Variants in ARMH4 observed in about 807,000 individuals in gnomAD.
ARMH4 encodes the protein armadillo-like helical domain-containing protein 4.
In ARMH4, 49 loss-of-function variants were observed where a neutral mutation model predicts 61.9. The observed-to-expected ratio is 0.79, with a 90% confidence interval of 0.63 to 1.00. ARMH4 has a LOEUF of 1.00. Among genes scored for constraint, ARMH4 ranks in the 50% least tolerant of loss-of-function variants. The pLI is 0.00. For missense variants in ARMH4, 934 were observed against 930.0 expected, an observed-to-expected ratio of 1.00 and a Z score of -0.06; for synonymous variants, 368 against 341.5, an observed-to-expected ratio of 1.08 and a Z score of -0.85.
intron 1 of ARMH4, among the ~76,000 whole-genome samples, chr14:58,140,882 G>A (rs1375703208): frequency 1.3e-5 from 2 of 152,002 alleles, no homozygotes; most frequent in Non-Finnish European, 2.9e-5. Flanking sequence ...CAGCCTGGGC[G>A]ACAAGAGTGA....
chr14:58,125,673 T>C lies in ARMH4; in HGVS notation c.1831+5839A>G, dbSNP rs561046268. 1.4e-4 allele frequency among the ~76,000 whole-genome samples: 21 copies of C among 152,336 alleles called. No homozygotes were observed. The East Asian group carries it at 3.9e-3, about 28-fold the overall frequency. The stretch of plus-strand genomic sequence containing the variant: ...TGGACTGGCCTGCTAGCCAATGCTC[T>C]GATGTTAATGACATCAAAGGCACTC... On this transcript the variant is annotated intron_variant, in intron 4 of 7. Coordinates refer to ENST00000267485, the MANE Select transcript of ARMH4 (RefSeq NM_001001872.4).
At chr14:58,149,006 CTT>C (rs2140006285) in intron 1 of ARMH4, among the ~76,000 whole-genome samples, 2 of 152,236 alleles carry the variant, frequency 1.3e-5, no homozygotes, top group Non-Finnish European at 2.9e-5. Flanking sequence ...TCTTAATAAT[CTT>C]TGTGTCTTAA....
chr14:58,067,078 G>A (rs1884728698), intron 5 of ARMH4, among the ~76,000 whole-genome samples: 1 of 152,190 alleles, frequency 6.6e-6, no homozygotes, highest in African/African-American at 2.4e-5. Flanking sequence ...GGAATTGTTG[G>A]TGAGTTTTCC....
At chr14:58,105,614 G>C (rs573277779) in intron 4 of ARMH4, among the ~76,000 whole-genome samples, 1 of 151,844 alleles carries the variant, frequency 6.6e-6, no homozygotes, top group Non-Finnish European at 1.5e-5. Context: ...TTGAACCCAG[G>C]GGGCAGAGGT....
intron 5 of ARMH4, among the ~76,000 whole-genome samples, chr14:58,052,672 C>T (rs2141202371): frequency 6.6e-6 from 1 of 152,184 alleles, no homozygotes; most frequent in East Asian, 1.9e-4. Context: ...CCTCAGGGTC[C>T]AGTTCCAAGC....
intron 5 of ARMH4, among the ~76,000 whole-genome samples, chr14:58,092,231 C>T (rs1340167761): frequency 3.3e-5 from 5 of 152,030 alleles, no homozygotes; most frequent in Admixed American, 3.3e-4. Context: ...ATAAAACAAC[C>T]CCATTTAAAA....
At chr14:58,049,072 T>C (rs554981088) in intron 5 of ARMH4, among the ~76,000 whole-genome samples, 181 of 151,520 alleles carry the variant, frequency 1.2e-3, no homozygotes, top group Middle Eastern at 6.8e-3. Flanking sequence ...CCCATCTCTA[T>C]TAAAAACACA....
At chr14:58,115,581 TA>T (rs949652973) in intron 4 of ARMH4, among the ~76,000 whole-genome samples, 2 of 151,774 alleles carry the variant, frequency 1.3e-5, no homozygotes, top group African/African-American at 4.8e-5. Flanking sequence ...GGTATACACC[TA>T]AAAAAAACAA....
At chr14:58,024,690 T>C (rs1882960705) in intron 5 of ARMH4, among the ~76,000 whole-genome samples, 1 of 152,202 alleles carries the variant, frequency 6.6e-6, no homozygotes, top group South Asian at 2.1e-4. Flanking sequence ...TTAACATTTA[T>C]AGCCTTTGAT....
chr14:58,108,220 TCA>T (rs1222295976), intron 4 of ARMH4, among the ~76,000 whole-genome samples: 3 of 152,182 alleles, frequency 2.0e-5, no homozygotes, highest in Admixed American at 1.3e-4. Flanking sequence ...ATCCAGCAAC[TCA>T]CAGTTAAGCT....
At chr14:58,051,322 C>A (rs568440603) in intron 5 of ARMH4, among the ~76,000 whole-genome samples, 2 of 152,166 alleles carry the variant, frequency 1.3e-5, no homozygotes, top group East Asian at 3.9e-4. Context: ...TAAATAGATT[C>A]ATCTTTTCTC....
intron 5 of ARMH4, among the ~76,000 whole-genome samples, chr14:58,077,474 G>T (rs1189469772): frequency 6.6e-6 from 1 of 152,090 alleles, no homozygotes; most frequent in Non-Finnish European, 1.5e-5. Context: ...AGGAAGCGTG[G>T]TGCACACCTG....
intron 6 of ARMH4, among the ~76,000 whole-genome samples, chr14:58,005,680 C>T (rs1196251255): frequency 6.6e-6 from 1 of 152,004 alleles, no homozygotes; most frequent in Non-Finnish European, 1.5e-5. Context: ...TCTGTCTTGG[C>T]TGCATTACAG....
At chr14:58,098,781 T>C (rs1173630526) in intron 4 of ARMH4, among the ~76,000 whole-genome samples, 1 of 151,974 alleles carries the variant, frequency 6.6e-6, no homozygotes, top group Non-Finnish European at 1.5e-5. Flanking sequence ...CTGACTTTTT[T>C]TTTTTTTAAG....
At chr14:58,120,950 A>C (rs1886703645) in intron 4 of ARMH4, among the ~76,000 whole-genome samples, 1 of 152,172 alleles carries the variant, frequency 6.6e-6, no homozygotes, top group Non-Finnish European at 1.5e-5. Flanking sequence ...TGCCAGAGTC[A>C]AGTTGGAAAG....
In ARMH4 at chr14:58,138,878, C is replaced by T. The variant is rs370618018; in HGVS notation, c.481G>A (p.Glu161Lys). 14 of 1,614,094 alleles carry T rather than the reference C, an allele frequency of 8.7e-6. No individual in the cohort carries two copies. In the African/African-American group the frequency reaches 1.7e-4, roughly 20 times the overall value. Residue 161 changes from glutamate to lysine, a missense_variant, in exon 2 of 8, where the codon GAG (glutamate) becomes AAG (lysine). Coordinates refer to ENST00000267485, the MANE Select transcript of ARMH4 (RefSeq NM_001001872.4). ...AAGTTAGTGCTTGTAAGGAGTTCCT[C>T]CTTTTCATCAACAGTCAGAGAAGGA... The part of the protein sequence containing the change: ...ATPSLTVDEK[E>K]ELLTSTNFQP...
chr14:58,013,572 T>C (rs566574178), intron 5 of ARMH4, among the ~76,000 whole-genome samples: 1 of 152,156 alleles, frequency 6.6e-6, no homozygotes, highest in Non-Finnish European at 1.5e-5. Context: ...ATACTGATGA[T>C]GGCTAGCATG....
intron 2 of ARMH4, among the ~76,000 whole-genome samples, chr14:58,136,545 A>C (rs964545601): frequency 6.6e-6 from 1 of 152,208 alleles, no homozygotes; most frequent in African/African-American, 2.4e-5. Context: ...TGTAAAATTC[A>C]ATCTTTCTTT....
At chr14:58,116,931 T>G (rs1353988564) in intron 4 of ARMH4, among the ~76,000 whole-genome samples, 1 of 152,130 alleles carries the variant, frequency 6.6e-6, no homozygotes, top group Non-Finnish European at 1.5e-5. Context: ...GTAGCAATAA[T>G]TACAAGTTCT....
Sources: gnomAD v4.1 joint callset for allele counts (sites outside exome capture counted in the v4.1 genomes callset) on GRCh38, gnomAD v4.1.1 for gene constraint, MANE v1.5 for transcripts, NCBI Gene and HGNC (gene_info 2026-07-23, HGNC 2026-07-21) for gene names.